PITRM1: variants seen among roughly 807,000 people sequenced by gnomAD.
The protein encoded by PITRM1 is pitrilysin metallopeptidase 1.
A neutral mutation model predicts 129.9 loss-of-function variants in PITRM1; 100 were observed. The ratio of observed to expected loss-of-function variants is 0.77; its 90% confidence interval spans 0.65 to 0.91. The LOEUF is 0.91. Among genes scored for constraint, PITRM1 ranks in the 40% least tolerant of loss-of-function variants. The pLI, the probability that PITRM1 is intolerant of heterozygous loss-of-function variation, is 0.00. For synonymous variants in PITRM1, 591 were observed against 508.8 expected, an observed-to-expected ratio of 1.16 and a Z score of -2.17; for missense variants, 1,471 against 1,318.3, an observed-to-expected ratio of 1.12 and a Z score of -1.79.
chr10:3,167,636 C>T (rs1002607330), intron 2 of PITRM1, among the ~76,000 whole-genome samples: 4 of 152,212 alleles, frequency 2.6e-5, no homozygotes, highest in Admixed American at 2.0e-4. Context: ...CCAATGTCTG[C>T]TGAGTGTCTC....
intron 1 of PITRM1, among the ~76,000 whole-genome samples, chr10:3,171,448 CTAAT>C (rs1014456872): frequency 7.9e-5 from 12 of 151,906 alleles, no homozygotes; most frequent in East Asian, 7.7e-4. Flanking sequence ...CACAGGGACA[CTAAT>C]TTTCTTTTTT....
Position 3,155,633 on chromosome 10 carries a change from C to T in PITRM1, c.1579G>A (p.Glu527Lys), listed in dbSNP as rs752614003. ...VEATKLKQKV[E>K]ALSPGDRQQI... Reference sequence around the variant, plus strand: ...TGCCTGTCTCCGGGGGACAGAGCCTCGACCTTCTGCTTGAGCTTCGTGGCT... The same window carrying T: ...TGCCTGTCTCCGGGGGACAGAGCCTTGACCTTCTGCTTGAGCTTCGTGGCT... Residue 527 changes from glutamate (E) to lysine (K), a missense_variant, in exon 14 of 27, where the codon GAG (glutamate) becomes AAG (lysine). By Grantham distance (56) the Glu-to-Lys change is moderately conservative (BLOSUM62 1). Transcript: ENST00000224949. 1.3e-5 allele frequency: 21 copies of T among 1,613,902 alleles called. No individual in the cohort carries two copies. The highest frequency in any genetic ancestry group is 1.7e-5 in the Non-Finnish European group (20 of 1,179,868).
Position 3,155,634 on chromosome 10 carries a change from G to C in PITRM1, c.1578C>G (p.Val526=). Residue 526 remains valine, a synonymous_variant, in exon 14 of 27, where the codon GTC becomes GTG. Coordinates refer to ENST00000224949, the MANE Select transcript of PITRM1 (RefSeq NM_014889.4). ...GCCTGTCTCCGGGGGACAGAGCCTC[G>C]ACCTTCTGCTTGAGCTTCGTGGCTT... is the stretch of plus-strand genomic sequence containing the variant. The part of the protein sequence containing the change: ...QVEATKLKQK[V]EALSPGDRQQ... 6.2e-7 allele frequency: 1 copy of C among 1,613,840 alleles called. No individual in the cohort carries two copies. Among genetic ancestry groups the C allele is most frequent in the Admixed American group, 1.7e-5 (1 of 60,006 alleles).
chr10:3,166,203 G>T, intron 4 of PITRM1, 26 bp downstream of exon 4: 1 of 1,562,378 alleles, frequency 6.4e-7, no homozygotes, highest in Non-Finnish European at 8.7e-7. Context: ...CCCAAAAGCA[G>T]TTTCTGTTCA....
chr10:3,138,393 G>T, intron 25 of PITRM1, 56 bp from the exon 26 acceptor site: 1 of 1,180,436 alleles, frequency 8.5e-7, no homozygotes, highest in Non-Finnish European at 1.3e-6. Flanking sequence ...CGCGTTGTGG[G>T]CTGTGCACTC....
At chr10:3,143,604 A>G in intron 22 of PITRM1, 103 bp from the exon 23 acceptor site, 1 of 791,560 alleles carries the variant, frequency 1.3e-6, no homozygotes. Context: ...GCTCCCACGC[A>G]CTGCCCACGG....
At position 3,151,299 on chromosome 10, in the gene PITRM1, A is replaced by T. The variant is rs777055355; in HGVS notation, c.1686T>A (p.Val562=). Reference sequence around the variant, plus strand: ...CAGGTATGGTGGGTTCAATATCGGAAACTTTCAACGCTGGCAGACAAGAGG... The same window carrying T: ...CAGGTATGGTGGGTTCAATATCGGATACTTTCAACGCTGGCAGACAAGAGG... ...QDASCLPALK[V]SDIEPTIPVT... Residue 562 remains valine (V), a synonymous_variant, in exon 15 of 27, where the codon GTT becomes GTA. Coordinates refer to ENST00000224949, the MANE Select transcript of PITRM1 (RefSeq NM_014889.4). 1 of 1,611,286 alleles carries T rather than the reference A, an allele frequency of 6.2e-7. No homozygotes were observed. The highest frequency in any genetic ancestry group is 1.7e-5 in the Admixed American group (1 of 59,700).
At chr10:3,149,233 GACAGCAACT>G (rs1165426468) in intron 16 of PITRM1, 9 of 169,388 alleles carry the variant, frequency 5.3e-5, no homozygotes, top group Non-Finnish European at 1.1e-4. Flanking sequence ...TAGGGAGGAC[GACAGCAACT>G]GCAGGGTCGG....
intron 15 of PITRM1, 110 bp downstream of exon 15, chr10:3,151,137 A>T: frequency 1.4e-6 from 1 of 714,238 alleles, no homozygotes; most frequent in Non-Finnish European, 2.6e-6. Flanking sequence ...GGGCTGCTCA[A>T]GTGTTTCAGG....
At chr10:3,145,839 G>T in intron 20 of PITRM1, 123 bp from the exon 21 acceptor site, 1 of 787,232 alleles carries the variant, frequency 1.3e-6, no homozygotes, top group Non-Finnish European at 2.0e-6. Flanking sequence ...GTGTTAAACA[G>T]CAGCCAAATG....
At chr10:3,138,484 G>A in intron 25 of PITRM1, 147 bp from the exon 26 acceptor site, 2 of 665,250 alleles carry the variant, frequency 3.0e-6, no homozygotes, top group Non-Finnish European at 5.4e-6. Flanking sequence ...ACAACCCAGA[G>A]ATCACACCCC....
At chr10:3,155,796 C>A in intron 13 of PITRM1, 67 bp from the exon 14 acceptor site, 1 of 1,559,666 alleles carries the variant, frequency 6.4e-7, no homozygotes, top group Non-Finnish European at 8.7e-7. Context: ...TAACACTCAA[C>A]AAGCTTCTGC....
chr10:3,138,512 T>G, intron 25 of PITRM1, 175 bp from the exon 26 acceptor site: 1 of 636,840 alleles, frequency 1.6e-6, no homozygotes. Flanking sequence ...AGCTCCCACG[T>G]GCCACGCTGA....
intron 2 of PITRM1, chr10:3,167,745 G>A (rs1472243512): frequency 6.6e-6 from 1 of 152,274 alleles, no homozygotes; most frequent in Non-Finnish European, 1.5e-5. Flanking sequence ...CGCAGAACGG[G>A]CCTGCAAGGA....
intron 25 of PITRM1, chr10:3,138,602 C>T (rs995865351): frequency 2.2e-5 from 13 of 603,780 alleles, no homozygotes; most frequent in Non-Finnish European, 3.8e-5. Context: ...AAAAGCGGCT[C>T]CAGAGAGTAA....
At chr10:3,143,240 G>A (rs1840443655) in intron 23 of PITRM1, 149 bp downstream of exon 23, 1 of 608,796 alleles carries the variant, frequency 1.6e-6, no homozygotes, top group Admixed American at 2.9e-5. Context: ...TTAAAGAGGA[G>A]CACTCGTAGA....
At chr10:3,140,085 T>C (rs969963525) in intron 24 of PITRM1, among the ~76,000 whole-genome samples, 1 of 152,214 alleles carries the variant, frequency 6.6e-6, no homozygotes, top group Admixed American at 6.5e-5. Context: ...TTTTTTCCTA[T>C]ACCTATGATA....
chr10:3,160,103 A>T (rs895931046), intron 8 of PITRM1, 101 bp downstream of exon 8: 8 of 1,361,646 alleles, frequency 5.9e-6, no homozygotes, highest in Non-Finnish European at 5.1e-6. Context: ...CATACTCTGT[A>T]CCAAACATGA....
intron 7 of PITRM1, among the ~76,000 whole-genome samples, chr10:3,162,007 C>CA (rs139123713): frequency 0.21 from 31,537 of 151,596 alleles, 4,045 homozygotes; most frequent in Non-Finnish European, 0.29. Flanking sequence ...TCTGTCTCTA[C>CA]AAAAAAATAT....
Sources: gnomAD v4.1 joint callset for allele counts (sites outside exome capture counted in the v4.1 genomes callset) on GRCh38, gnomAD v4.1.1 for gene constraint, MANE v1.5 for transcripts, NCBI Gene and HGNC (gene_info 2026-07-23, HGNC 2026-07-21) for gene names.